The following RALGAPA2 variants were observed in gnomAD, a reference collection of about 807,000 sequenced individuals.
RALGAPA2 encodes ral GTPase-activating protein subunit alpha-2.
Under a neutral mutation model 230.4 loss-of-function variants are expected in RALGAPA2, and 139 were observed. The ratio of observed to expected loss-of-function variants is 0.60; its 90% CI spans 0.53 to 0.69. The LOEUF (loss-of-function observed/expected upper bound fraction) is 0.69, where lower values mean the gene tolerates loss of function less well. Ranked by LOEUF, RALGAPA2 falls within the 30% of genes least tolerant of loss-of-function variation. RALGAPA2 has a pLI of 0.00. For synonymous variants in RALGAPA2, 847 were observed against 837.8 expected, an observed-to-expected ratio of 1.01 and a Z score of -0.19; for missense variants, 2,163 against 2,276.0, an observed-to-expected ratio of 0.95 and a Z score of 1.01.
intron 14 of RALGAPA2, among the ~76,000 whole-genome samples, chr20:20,606,045 C>A (rs2065810570): frequency 6.6e-6 from 1 of 152,180 alleles, no homozygotes; most frequent in South Asian, 2.1e-4. Context: ...CAGCCAACCC[C>A]ACTTCCCCAG....
chr20:20,537,774 T>C (rs373397236), intron 24 of RALGAPA2, among the ~76,000 whole-genome samples: 2 of 152,192 alleles, frequency 1.3e-5, no homozygotes, highest in East Asian at 3.8e-4. Context: ...AATAAAACAA[T>C]GAAAGCTCAC....
At chr20:20,595,667 G>A (rs1252467472) in intron 16 of RALGAPA2, among the ~76,000 whole-genome samples, 1 of 152,148 alleles carries the variant, frequency 6.6e-6, no homozygotes, top group African/African-American at 2.4e-5. Flanking sequence ...TAAAATTGTA[G>A]AACAGACCGG....
chr20:20,680,609 A>G (rs560434886), intron 2 of RALGAPA2, 82 bp downstream of exon 2: 6 of 1,423,484 alleles, frequency 4.2e-6, no homozygotes, highest in African/African-American at 1.5e-5. Flanking sequence ...AAGCTTAAAA[A>G]TGTATAATTT....
chr20:20,539,296 C>T (rs186980771), intron 24 of RALGAPA2, among the ~76,000 whole-genome samples: 4 of 152,234 alleles, frequency 2.6e-5, no homozygotes, highest in African/African-American at 9.6e-5. Context: ...AGCAGGTGTG[C>T]TCCAGCCCAA....
At chr20:20,434,700 C>T (rs560888180) in intron 37 of RALGAPA2, among the ~76,000 whole-genome samples, 20 of 152,216 alleles carry the variant, frequency 1.3e-4, no homozygotes, top group African/African-American at 4.8e-4. Context: ...CTTTAGGAAG[C>T]TGATGCAGGA....
chr20:20,672,488 A>T (rs1201280638), intron 3 of RALGAPA2, among the ~76,000 whole-genome samples: 3 of 152,242 alleles, frequency 2.0e-5, no homozygotes, highest in African/African-American at 7.2e-5. Context: ...AAGAATGCCA[A>T]ACCAAAAAAG....
chr20:20,494,799 C>T (rs537669935), intron 36 of RALGAPA2, among the ~76,000 whole-genome samples: 115 of 152,140 alleles, frequency 7.6e-4, no homozygotes, highest in South Asian at 1.9e-3. Context: ...TCAACATAAC[C>T]AAAATTTCAA....
intron 36 of RALGAPA2, among the ~76,000 whole-genome samples, chr20:20,492,106 T>C (rs1306671233): frequency 1.3e-5 from 2 of 152,226 alleles, no homozygotes; most frequent in Non-Finnish European, 2.9e-5. Flanking sequence ...CAAATAGCCC[T>C]ACATTATTAC....
chr20:20,686,679 A>T (rs1407937465), intron 1 of RALGAPA2, among the ~76,000 whole-genome samples: 1 of 152,222 alleles, frequency 6.6e-6, no homozygotes, highest in Non-Finnish European at 1.5e-5. Context: ...TGCTCCTGGC[A>T]AAGGTCACTA....
At chr20:20,501,128 T>A (rs899082480) in intron 35 of RALGAPA2, among the ~76,000 whole-genome samples, 4 of 152,216 alleles carry the variant, frequency 2.6e-5, no homozygotes, top group Admixed American at 6.5e-5. Context: ...GAATGGTAAA[T>A]GAGCACTGGC....
At chr20:20,563,880 T>C (rs532798105) in intron 23 of RALGAPA2, among the ~76,000 whole-genome samples, 2 of 151,836 alleles carry the variant, frequency 1.3e-5, no homozygotes, top group South Asian at 4.2e-4. Context: ...ATACAAAATA[T>C]ATACACATAT....
rs1018482651 is a variant in RALGAPA2, at chr20:20,623,018, G to T, written c.1234-2388C>A. On this transcript the variant is annotated intron_variant, in intron 10 of 39. Transcript: ENST00000202677. ...GTTAACTATTAAAGTAACTACAAAT[G>T]ACCGTAAAACTAATTTAATTTGAGA... 2.6e-5 allele frequency among the ~76,000 whole-genome samples: 4 copies of T among 152,068 alleles called. No homozygotes were observed. In the South Asian group the frequency reaches 8.3e-4, roughly 31 times the overall value.
chr20:20,712,635 CTG>C lies in RALGAPA2; in HGVS notation c.-157_-156del. 4 of 1,179,334 alleles carry C rather than the reference CTG, an allele frequency of 3.4e-6. No homozygotes were observed. Among genetic ancestry groups the C allele is most frequent in the Non-Finnish European group, 4.2e-6 (4 of 949,526 alleles). The allele number at this position is 1,179,334 out of a possible 1,614,324, so 73.1% of individuals were successfully genotyped here. ...GCCGCCGCCGCCGCCGCCGCCTCAGCTGTGTCTCCAGGAAGGAGGGGCGGGCC... is the reference window on the plus strand; with the variant it reads ...GCCGCCGCCGCCGCCGCCGCCTCAGCTGTCTCCAGGAAGGAGGGGCGGGCC... On this transcript the variant is annotated 5_prime_UTR_variant, in exon 1 of 40. Transcript: ENST00000202677. This position sits in a 1 kb window ranked among gnomAD's most constrained non-coding sequence, Gnocchi z 5.5.
intron 37 of RALGAPA2, among the ~76,000 whole-genome samples, chr20:20,456,290 A>G (rs2061117452): frequency 6.6e-6 from 1 of 152,246 alleles, no homozygotes; most frequent in Admixed American, 6.5e-5. Flanking sequence ...GATGCCGGAG[A>G]CTGAAAGATG....
intron 3 of RALGAPA2, among the ~76,000 whole-genome samples, chr20:20,675,196 T>C (rs1187143140): frequency 2.6e-5 from 4 of 152,174 alleles, no homozygotes; most frequent in African/African-American, 9.7e-5. Flanking sequence ...TGTATCAACA[T>C]ATGTGTATCA....
intron 14 of RALGAPA2, among the ~76,000 whole-genome samples, chr20:20,609,777 G>C (rs1427179979): frequency 6.6e-6 from 1 of 152,216 alleles, no homozygotes; most frequent in East Asian, 1.9e-4. Flanking sequence ...AAAGTGTGCA[G>C]TGTCCATATG....
chr20:20,415,069 T>C (rs2060139915), intron 37 of RALGAPA2, among the ~76,000 whole-genome samples: 1 of 152,264 alleles, frequency 6.6e-6, no homozygotes, highest in Non-Finnish European at 1.5e-5. Flanking sequence ...TTTCTTTTAG[T>C]AGCCATAAAA....
rs566739944 is a variant in RALGAPA2 at position 20,681,883 on chromosome 20, AAAAC to A, written c.107-1086_107-1083del. ...TTAAAAACAAAACAAAACAAAGCAAAAAACAAACAAACAAACAATAAAAAGCTTC... is the reference window on the plus strand; with the variant it reads ...TTAAAAACAAAACAAAACAAAGCAAAAAACAAACAAACAATAAAAAGCTTC... On this transcript the variant is annotated intron_variant, in intron 1 of 39. Coordinates refer to ENST00000202677, the MANE Select transcript of RALGAPA2 (RefSeq NM_020343.4). 5.7e-4 allele frequency among the ~76,000 whole-genome samples: 87 copies of A among 152,260 alleles called. No homozygotes were observed. The East Asian group carries it at 0.015, about 27-fold the overall frequency.
At chr20:20,490,809 T>A (rs1308115297) in intron 36 of RALGAPA2, among the ~76,000 whole-genome samples, 1 of 151,534 alleles carries the variant, frequency 6.6e-6, no homozygotes, top group African/African-American at 2.4e-5. Flanking sequence ...CTGCTCCAGG[T>A]ACAGGTCCTG....
Sources: allele counts gnomAD v4.1 joint callset (sites outside exome capture counted in the v4.1 genomes callset), GRCh38; gene constraint gnomAD v4.1.1; non-coding constraint Gnocchi (gnomAD v3.1); transcripts MANE v1.5; gene names NCBI Gene and HGNC (gene_info 2026-07-23, HGNC 2026-07-21).